The following LYPD6B variants were observed in gnomAD, a reference collection of about 807,000 sequenced individuals.
LYPD6B encodes LY6/PLAUR domain containing 6B, also known as ly6/PLAUR domain-containing protein 6B.
LYPD6B carries 17 observed loss-of-function variants against 22.8 expected under a neutral mutation model. That is an observed-to-expected ratio of 0.75 (90% confidence interval 0.51 to 1.12). The LOEUF is 1.12. LYPD6B is among the 50% of genes most tolerant of loss of function. The pLI, the probability that LYPD6B is intolerant of heterozygous loss-of-function variation, is 0.00. For missense variants in LYPD6B, 221 were observed against 258.3 expected (o/e 0.86, Z 0.99); for synonymous variants, 106 against 91.6 (o/e 1.16, Z -0.90).
At chr2:149,167,714 T>C (rs1690523142) in intron 3 of LYPD6B, among the ~76,000 whole-genome samples, 1 of 152,148 alleles carries the variant, frequency 6.6e-6, no homozygotes, top group Non-Finnish European at 1.5e-5. Context: ...TTCCTTTAAG[T>C]CACTGCAATT....
chr2:149,137,929 ATC>A (rs1485457064), intron 2 of LYPD6B, among the ~76,000 whole-genome samples: 1 of 152,222 alleles, frequency 6.6e-6, no homozygotes, highest in African/African-American at 2.4e-5. Context: ...ATATAAAATT[ATC>A]TGTTTCACAT....
intron 3 of LYPD6B, among the ~76,000 whole-genome samples, chr2:149,182,057 A>G (rs2105995854): frequency 2.0e-5 from 3 of 152,296 alleles, no homozygotes; most frequent in African/African-American, 2.4e-5. Flanking sequence ...AAGTGGCGTT[A>G]ATAATATCTC....
intron 2 of LYPD6B, among the ~76,000 whole-genome samples, chr2:149,132,135 G>A (rs571828665): frequency 1.3e-5 from 2 of 151,790 alleles, no homozygotes; most frequent in Non-Finnish European, 2.9e-5. Context: ...ATGAAATAGG[G>A]CAGACAGAAT....
chr2:149,055,276 C>T (rs1475722884), intron 1 of LYPD6B, among the ~76,000 whole-genome samples: 1 of 152,204 alleles, frequency 6.6e-6, no homozygotes, highest in Non-Finnish European at 1.5e-5. Flanking sequence ...GGCAGTACCA[C>T]AAAATATTGA....
chr2:149,090,451 CT>C (rs1685599400), intron 1 of LYPD6B, among the ~76,000 whole-genome samples: 3 of 152,036 alleles, frequency 2.0e-5, no homozygotes, highest in Non-Finnish European at 4.4e-5. Context: ...TTTTAGAATT[CT>C]TTTCTTTGGG....
rs375605453 is a variant in LYPD6B, at chr2:149,042,943, T to A, written c.-67+4142T>A. On this transcript the variant is annotated intron_variant, in intron 1 of 6. Coordinates refer to ENST00000409642, the MANE Select transcript of LYPD6B (RefSeq NM_177964.5). ...CTTTCATGCAGAATTTCTTTGATTGTTTGTTATAACTCACATTGTTCCTAA... is the reference window on the plus strand; with the variant it reads ...CTTTCATGCAGAATTTCTTTGATTGATTGTTATAACTCACATTGTTCCTAA... Among the ~76,000 whole-genome samples the A allele has an allele frequency of 8.2e-4, 125 of 152,328 alleles. 2 individuals carry two copies. In the South Asian group the frequency reaches 0.025, roughly 31 times the overall value.
rs33998512 is a variant in LYPD6B at position 149,054,877 on chromosome 2, TAA to T, written c.-67+16089_-67+16090del. 1.6e-3 allele frequency among the ~76,000 whole-genome samples: 240 copies of T among 146,726 alleles called. 1 individual carries two copies. Among genetic ancestry groups the T allele is most frequent in the East Asian group, 0.011 (55 of 5,030 alleles). On this transcript the variant is annotated intron_variant, in intron 1 of 6. Coordinates refer to ENST00000409642, the MANE Select transcript of LYPD6B (RefSeq NM_177964.5). ...CTGAGTGACAGAGTGATACCCTATTTAAAAAAAAAAAAAAGTTTTTAGTTTCG... is the reference window on the plus strand; with the variant it reads ...CTGAGTGACAGAGTGATACCCTATTTAAAAAAAAAAAAGTTTTTAGTTTCG...
At chr2:149,157,257 A>G (rs1330473661) in intron 2 of LYPD6B, among the ~76,000 whole-genome samples, 1 of 152,084 alleles carries the variant, frequency 6.6e-6, no homozygotes, top group Non-Finnish European at 1.5e-5. Flanking sequence ...TATATACTAA[A>G]AAGAACAATC....
At chr2:149,050,516 G>A (rs903407531) in intron 1 of LYPD6B, among the ~76,000 whole-genome samples, 4 of 152,180 alleles carry the variant, frequency 2.6e-5, no homozygotes, top group South Asian at 2.1e-4. Flanking sequence ...GTACATTACC[G>A]AAAAAATAGG....
At chr2:149,163,700 T>A (rs1690239958) in intron 3 of LYPD6B, among the ~76,000 whole-genome samples, 1 of 152,182 alleles carries the variant, frequency 6.6e-6, no homozygotes, top group Admixed American at 6.5e-5. Flanking sequence ...AACTTGCTAT[T>A]TTTTCCCCCT....
intron 1 of LYPD6B, among the ~76,000 whole-genome samples, chr2:149,055,605 T>C (rs1005544729): frequency 6.6e-6 from 1 of 152,238 alleles, no homozygotes. Flanking sequence ...ACTTCTCTCG[T>C]TAAATTGATT....
chr2:149,074,655 A>T (rs1684798445), intron 1 of LYPD6B, among the ~76,000 whole-genome samples: 3 of 152,264 alleles, frequency 2.0e-5, no homozygotes, highest in Admixed American at 6.5e-5. Flanking sequence ...TGATTCTAGA[A>T]GGTAGCTAAA....
intron 1 of LYPD6B, among the ~76,000 whole-genome samples, chr2:149,074,391 A>G (rs1019533204): frequency 4.6e-5 from 7 of 152,228 alleles, no homozygotes; most frequent in African/African-American, 1.7e-4. Flanking sequence ...ATTAATAGGA[A>G]TAATTATAGC....
At chr2:149,041,249 G>A (rs78203611) in intron 1 of LYPD6B, among the ~76,000 whole-genome samples, 1,653 of 152,226 alleles carry the variant, frequency 0.011, 23 homozygotes, top group Middle Eastern at 0.048. Flanking sequence ...TAGGTCGTTC[G>A]AAGTGGCCAC....
At chr2:149,080,811 C>T (rs918364057) in intron 1 of LYPD6B, among the ~76,000 whole-genome samples, 3 of 134,040 alleles carry the variant, frequency 2.2e-5, no homozygotes, top group African/African-American at 8.9e-5. Flanking sequence ...CACTGCACTC[C>T]AGCCTGGGTA....
At chr2:149,135,020 G>A (rs1195564077) in intron 2 of LYPD6B, among the ~76,000 whole-genome samples, 1 of 152,110 alleles carries the variant, frequency 6.6e-6, no homozygotes, top group Non-Finnish European at 1.5e-5. Flanking sequence ...TGAGGCAGGT[G>A]GATCACTTGA....
intron 3 of LYPD6B, among the ~76,000 whole-genome samples, chr2:149,186,078 AAGG>A (rs1575143204): frequency 6.6e-6 from 1 of 152,234 alleles, no homozygotes; most frequent in East Asian, 1.9e-4. Flanking sequence ...GTTCAAGTGA[AAGG>A]AGGAGTCACA....
At chr2:149,080,739 G>C (rs1474860667) in intron 1 of LYPD6B, among the ~76,000 whole-genome samples, 3 of 148,188 alleles carry the variant, frequency 2.0e-5, no homozygotes, top group African/African-American at 7.5e-5. Flanking sequence ...CTACTAGGGA[G>C]ACTGAGACAG....
rs573993064 is a variant in LYPD6B, at chr2:149,182,524, A to G, written c.77+21689A>G. 3.3e-5 allele frequency among the ~76,000 whole-genome samples: 5 copies of G among 152,348 alleles called. No homozygotes were observed. The East Asian group carries it at 7.7e-4, about 23-fold the overall frequency. On this transcript the variant is annotated intron_variant, in intron 3 of 6. Coordinates refer to ENST00000409642, the MANE Select transcript of LYPD6B (RefSeq NM_177964.5). ...GAAATTCTAAGGATTTAAAACAGAC[A>G]TGGAAGACCTTAAGAAGCAGCGTAA... is the stretch of plus-strand genomic sequence containing the variant.
Sources: allele counts gnomAD v4.1 joint callset (sites outside exome capture counted in the v4.1 genomes callset), GRCh38; gene constraint gnomAD v4.1.1; transcripts MANE v1.5; gene names NCBI Gene and HGNC (gene_info 2026-07-23, HGNC 2026-07-21).